RLIM: variants seen among roughly 807,000 people sequenced by gnomAD.
The protein encoded by RLIM is ring finger protein, LIM domain interacting.
In RLIM, 2 loss-of-function variants were observed where a neutral mutation model predicts 34.0. The observed-to-expected ratio is 0.06, with a 90% CI of 0.02 to 0.19. The LOEUF (loss-of-function observed/expected upper bound fraction) is 0.19, where lower values mean the gene tolerates loss of function less well. Ranked by LOEUF, RLIM falls within the 10% of genes least tolerant of loss-of-function variation. The pLI, the probability that RLIM is intolerant of heterozygous loss-of-function variation, is 1.00. For synonymous variants in RLIM, 169 were observed against 164.0 expected (o/e 1.03, Z -0.23); for missense variants, 286 against 479.7 (o/e 0.60, Z 3.77).
chrX:74,598,940 C>T (rs1040386625), intron 1 of RLIM, among the ~76,000 whole-genome samples: 5 of 111,506 alleles, frequency 4.5e-5, no homozygotes, highest in African/African-American at 1.6e-4. Context: ...TTGCAAATGA[C>T]TAATAAGGAA....
chrX:74,612,515 C>A (rs1221134608), intron 1 of RLIM: 1 of 111,206 alleles, frequency 9.0e-6, no homozygotes, highest in Non-Finnish European at 1.9e-5. Context: ...CAAAATAGAA[C>A]AATAAATATT....
intron 1 of RLIM, among the ~76,000 whole-genome samples, chrX:74,614,083 C>T (rs1022646371): frequency 9.1e-6 from 1 of 110,173 alleles, no homozygotes; most frequent in African/African-American, 3.3e-5. Context: ...CTGAGACGTT[C>T]TAAGATTCTG....
rs905289745 is a variant in RLIM, at chrX:74,588,478, C to CAA, written c.*2960_*2961dup. 9.0e-6 allele frequency: 1 copy of CAA among 111,078 alleles called. No homozygotes were observed. The highest frequency in any genetic ancestry group is 1.9e-5 in the Non-Finnish European group (1 of 53,020). 9.2% of individuals were successfully genotyped at this position (111,078 alleles called of 1,213,427 possible). ...CAAGTAAGACTCTGTCTCAAAAAAA[C>CAA]AAAACAAAACAAAACAAAACAAAAA... On this transcript the variant is annotated 3_prime_UTR_variant, in exon 4 of 4. Transcript: ENST00000332687.
chrX:74,593,111 G>A lies in RLIM; in HGVS notation c.254-50C>T, dbSNP rs190755107. On this transcript the variant is annotated intron_variant, in intron 3 of 3. Coordinates refer to ENST00000332687, the MANE Select transcript of RLIM (RefSeq NM_016120.4). ...AGGGAGAAAAAGGAACTACTAAAAT[G>A]AGGACAATCATATAAGTGCTCTGAA... is the stretch of plus-strand genomic sequence containing the variant. 3 of 1,131,442 alleles carry A rather than the reference G, an allele frequency of 2.7e-6. No homozygotes were observed. The Admixed American group carries it at 8.1e-5, about 31-fold the overall frequency. The allele number at this position is 1,131,442 out of a possible 1,213,427, so 93.2% of individuals were successfully genotyped here.
At position 74,592,154 on chromosome X, in the gene RLIM, A is replaced by C; in HGVS notation, c.1161T>G (p.Arg387=). 1 of 1,211,519 alleles carries C rather than the reference A, an allele frequency of 8.3e-7. No individual in the cohort carries two copies. The highest frequency in any genetic ancestry group is 2.2e-5 in the Admixed American group (1 of 46,038). ...CACTTAAACCAGTATTTAAGATTCT[A>C]CGAATGGGAATTCTGATGGTACTGA... ...TYVSTIRIPI[R]RILNTGLSET... The change falls in exon 4 of 4, where the codon CGT becomes CGG. Residue 387 remains arginine, a synonymous_variant. Coordinates refer to ENST00000332687, the MANE Select transcript of RLIM (RefSeq NM_016120.4).
intron 2 of RLIM, among the ~76,000 whole-genome samples, chrX:74,595,293 G>C (rs947509708): frequency 8.9e-6 from 1 of 111,773 alleles, no homozygotes; most frequent in Non-Finnish European, 1.9e-5. Flanking sequence ...AAGGTAAGTA[G>C]AATTAAACAG....
intron 1 of RLIM, among the ~76,000 whole-genome samples, chrX:74,596,735 T>C (rs2079641781): frequency 8.9e-6 from 1 of 111,975 alleles, no homozygotes; most frequent in African/African-American, 3.2e-5. Context: ...TGAGCAGTTG[T>C]GACAGACTGT....
At chrX:74,603,546 A>C (rs1042405195) in intron 1 of RLIM, among the ~76,000 whole-genome samples, 1 of 111,706 alleles carries the variant, frequency 9.0e-6, no homozygotes, top group African/African-American at 3.3e-5. Context: ...TTTAGGGAAC[A>C]AACCAGAATT....
At position 74,583,604 on chromosome X, in the gene RLIM, C is replaced by T. The variant is rs768045788; in HGVS notation, c.*7836G>A. 6.3e-5 allele frequency: 29 copies of T among 459,474 alleles called. No homozygotes were observed. The South Asian group carries it at 8.9e-4, about 14-fold the overall frequency. The allele number at this position is 459,474 out of a possible 1,213,427, so 37.9% of individuals were successfully genotyped here. ...TTCTGGAAATAAAACACCTTGATAC[C>T]GTTTGCCCTAGGGCTGATTACAAGG... On this transcript the variant is annotated 3_prime_UTR_variant, in exon 4 of 4. Coordinates refer to ENST00000332687, the MANE Select transcript of RLIM (RefSeq NM_016120.4).
At chrX:74,608,610 A>G (rs761814476) in intron 1 of RLIM, among the ~76,000 whole-genome samples, 1 of 112,068 alleles carries the variant, frequency 8.9e-6, no homozygotes, top group East Asian at 2.8e-4. Flanking sequence ...AAATATCTGA[A>G]TGGCAGTTAG....
intron 1 of RLIM, among the ~76,000 whole-genome samples, chrX:74,614,127 C>G (rs1178178260): frequency 9.1e-6 from 1 of 110,330 alleles, no homozygotes; most frequent in African/African-American, 3.3e-5. Flanking sequence ...ACTGCCTCCC[C>G]CGATTTCCTA....
Position 74,583,356 on chromosome X carries a change from ACAGT to A in RLIM, c.*8080_*8083del. 6.5e-6 allele frequency: 4 copies of A among 618,358 alleles called. No individual in the cohort carries two copies. Among genetic ancestry groups the A allele is most frequent in the Non-Finnish European group, 9.9e-6 (4 of 403,808 alleles). The allele number at this position is 618,358 out of a possible 1,213,427, so 51.0% of individuals were successfully genotyped here. On this transcript the variant is annotated 3_prime_UTR_variant, in exon 4 of 4. Transcript: ENST00000332687. ...TTGAGGGGCAGATGCCAACATGGAA[ACAGT>A]CAAAGGTTCCTGACCTTGTACATGA...
rs1484443673 is a variant in RLIM at position 74,586,459 on chromosome X, C to A, written c.*4981G>T. ...GCTCGTGGAACTTTAATAAACAAAT[C>A]CTAATAAAAATAAATAATTTTTAGA... On this transcript the variant is annotated 3_prime_UTR_variant, in exon 4 of 4. Coordinates refer to ENST00000332687, the MANE Select transcript of RLIM (RefSeq NM_016120.4). 8.9e-6 allele frequency: 1 copy of A among 112,225 alleles called. No individual in the cohort carries two copies. Among genetic ancestry groups the A allele is most frequent in the Non-Finnish European group, 1.9e-5 (1 of 53,265 alleles). 9.2% of individuals were successfully genotyped at this position (112,225 alleles called of 1,213,427 possible).
Position 74,590,760 on chromosome X carries a change from A to G in RLIM, c.*680T>C, listed in dbSNP as rs1328430893. On this transcript the variant is annotated 3_prime_UTR_variant, in exon 4 of 4. Transcript: ENST00000332687. Reference sequence around the variant, plus strand: ...ACAAAATAGCTTTACATTTTTAAACAAATGAATGTGATTTTTTTTCACTTA... The same window carrying G: ...ACAAAATAGCTTTACATTTTTAAACGAATGAATGTGATTTTTTTTCACTTA... 8.8e-6 allele frequency: 1 copy of G among 113,065 alleles called. No individual in the cohort carries two copies. Among genetic ancestry groups the G allele is most frequent in the Non-Finnish European group, 1.9e-5 (1 of 53,405 alleles). 9.3% of individuals were successfully genotyped at this position (113,065 alleles called of 1,213,427 possible). A position where few individuals can be genotyped will look rare whatever the true frequency, so the allele number is the denominator to read the frequency against.
At position 74,610,270 on chromosome X, in the gene RLIM, AG is replaced by A. The variant is rs1439910848; in HGVS notation, c.-24+4151del. ...CATCTCTAGTAAAAATACAAAAGTTAGCCAGGCGTGGTGGCACGTGCCTGTA... is the reference window on the plus strand; with the variant it reads ...CATCTCTAGTAAAAATACAAAAGTTACCAGGCGTGGTGGCACGTGCCTGTA... On this transcript the variant is annotated intron_variant, in intron 1 of 3. Transcript: ENST00000332687. 3.6e-5 allele frequency among the ~76,000 whole-genome samples: 4 copies of A among 111,118 alleles called. No individual in the cohort carries two copies. The Admixed American group carries it at 3.8e-4, about 11-fold the overall frequency.
intron 1 of RLIM, among the ~76,000 whole-genome samples, chrX:74,613,768 T>C (rs2079722942): frequency 9.2e-6 from 1 of 108,906 alleles, no homozygotes; most frequent in Non-Finnish European, 1.9e-5. Flanking sequence ...CTTTTCCCTC[T>C]CTTTTGCGGG....
At chrX:74,598,097 T>C (rs1372885078) in intron 1 of RLIM, among the ~76,000 whole-genome samples, 1 of 112,042 alleles carries the variant, frequency 8.9e-6, no homozygotes, top group East Asian at 2.8e-4. Flanking sequence ...TGTCAAGCTG[T>C]TTTATATACT....
Position 74,587,238 on chromosome X carries a change from A to T in RLIM, c.*4202T>A, listed in dbSNP as rs928033059. 1.8e-5 allele frequency: 2 copies of T among 112,226 alleles called. No homozygotes were observed. The highest frequency in any genetic ancestry group is 3.2e-5 in the African/African-American group (1 of 30,916). 9.2% of individuals were successfully genotyped at this position (112,226 alleles called of 1,213,427 possible). ...TTACTAGTTAACTCAATGAATTACA[A>T]TACTGTTATTGAATATAAACATACT... On this transcript the variant is annotated 3_prime_UTR_variant, in exon 4 of 4. Coordinates refer to ENST00000332687, the MANE Select transcript of RLIM (RefSeq NM_016120.4).
At chrX:74,609,443 G>C (rs1379275066) in intron 1 of RLIM, among the ~76,000 whole-genome samples, 1 of 89,705 alleles carries the variant, frequency 1.1e-5, no homozygotes, top group Non-Finnish European at 2.1e-5. Flanking sequence ...AGCCGAGATC[G>C]CGCCACTGCA....
Sources: gnomAD v4.1 joint callset for allele counts (sites outside exome capture counted in the v4.1 genomes callset) on GRCh38, gnomAD v4.1.1 for gene constraint, MANE v1.5 for transcripts, NCBI Gene and HGNC (gene_info 2026-07-23, HGNC 2026-07-21) for gene names.